The following GABRB2 variants were observed in gnomAD, a reference collection of about 807,000 sequenced individuals.
GABRB2 encodes gamma-aminobutyric acid receptor subunit beta-2.
A neutral mutation model predicts 54.7 loss-of-function variants in GABRB2; 16 were observed. The observed-to-expected ratio is 0.29, with a 90% CI of 0.20 to 0.44. The LOEUF (loss-of-function observed/expected upper bound fraction) is 0.44. Among genes scored for constraint, GABRB2 ranks in the 20% least tolerant of loss-of-function variants. The probability of loss-of-function intolerance (pLI) is 1.00; values close to 1 mark genes in which losing one functional copy is unlikely to be tolerated. For synonymous variants in GABRB2, 244 were observed against 233.8 expected, an observed-to-expected ratio of 1.04 and a Z score of -0.40; for missense variants, 355 against 644.0, an observed-to-expected ratio of 0.55 and a Z score of 4.86.
chr5:161,308,041 T>C (rs1179676119), intron 9 of GABRB2, among the ~76,000 whole-genome samples: 3 of 151,622 alleles, frequency 2.0e-5, no homozygotes, highest in Non-Finnish European at 4.4e-5. Flanking sequence ...TTTTGTATTT[T>C]TAGTAGAGAT....
intron 5 of GABRB2, among the ~76,000 whole-genome samples, chr5:161,401,384 C>A (rs1402974743): frequency 1.3e-5 from 2 of 152,170 alleles, no homozygotes; most frequent in East Asian, 3.9e-4. Context: ...ATCATACAAA[C>A]AGGAATGCGT....
At chr5:161,511,742 A>G (rs1759774860) in intron 3 of GABRB2, among the ~76,000 whole-genome samples, 1 of 151,912 alleles carries the variant, frequency 6.6e-6, no homozygotes. Flanking sequence ...CCTCTCTCCT[A>G]GGCTCATGGA....
chr5:161,517,752 T>C (rs1255827434), intron 3 of GABRB2, among the ~76,000 whole-genome samples: 2 of 152,126 alleles, frequency 1.3e-5, no homozygotes, highest in Non-Finnish European at 2.9e-5. Flanking sequence ...CAACACATCT[T>C]ATCTAAATTC....
chr5:161,493,858 T>C (rs992581207), intron 3 of GABRB2, among the ~76,000 whole-genome samples: 16 of 151,892 alleles, frequency 1.1e-4, no homozygotes, highest in Admixed American at 9.9e-4. Flanking sequence ...GCCTTTAATC[T>C]ATTCATATAG....
chr5:161,506,815 G>T (rs1759620353), intron 3 of GABRB2, among the ~76,000 whole-genome samples: 2 of 151,986 alleles, frequency 1.3e-5, no homozygotes, highest in South Asian at 2.1e-4. Context: ...TTTTGAAAAA[G>T]ACACCAAAGC....
chr5:161,362,030 G>A (rs1754827276), intron 5 of GABRB2, among the ~76,000 whole-genome samples: 1 of 152,074 alleles, frequency 6.6e-6, no homozygotes, highest in Non-Finnish European at 1.5e-5. Flanking sequence ...TATTAAATAG[G>A]GAATCCTTTC....
At chr5:161,547,263 G>A (rs1326823469), upstream of GABRB2, among the ~76,000 whole-genome samples, 153 of 127,776 alleles carry the variant, frequency 1.2e-3, 1 homozygote, top group African/African-American at 4.4e-3. Flanking sequence ...AGTCGAAGCG[G>A]GAGGGAGGGA....
At chr5:161,438,380 A>G (rs1757369562) in intron 4 of GABRB2, among the ~76,000 whole-genome samples, 1 of 152,182 alleles carries the variant, frequency 6.6e-6, no homozygotes. Flanking sequence ...TTGGATCACA[A>G]CATGCAAATC....
At chr5:161,297,320 A>T (rs949757796) in intron 9 of GABRB2, among the ~76,000 whole-genome samples, 3 of 152,168 alleles carry the variant, frequency 2.0e-5, no homozygotes, top group African/African-American at 7.2e-5. Context: ...TCTGGGACAC[A>T]TGTGCAGAAC....
intron 3 of GABRB2, among the ~76,000 whole-genome samples, chr5:161,467,762 T>C (rs1031820839): frequency 1.3e-5 from 2 of 152,058 alleles, no homozygotes; most frequent in African/African-American, 4.8e-5. Flanking sequence ...ACCTGAATAA[T>C]ATCAAAATGA....
At chr5:161,326,789 C>G (rs950065023) in intron 8 of GABRB2, among the ~76,000 whole-genome samples, 1 of 152,008 alleles carries the variant, frequency 6.6e-6, no homozygotes, top group African/African-American at 2.4e-5. Context: ...ATAAAGAACA[C>G]CCTTAAATGG....
Position 161,459,748 on chromosome 5 carries a change from C to T in GABRB2, c.334G>A (p.Ala112Thr), listed in dbSNP as rs778204862. ...GTATCAGGCACCCAGAGCTGGTCTG[C>T]CACTCTGTTGTCCAGAGTCAAGTTT... ...PLNLTLDNRVADQLWVPDTYF... is the reference protein window; with the variant it reads ...PLNLTLDNRVTDQLWVPDTYF... The change falls in exon 4 of 10, where the codon GCA becomes ACA. Residue 112 changes from alanine to threonine, a missense_variant. Ala to Thr is a moderately conservative substitution (Grantham distance 58). Transcript: ENST00000393959. The T allele has an allele frequency of 6.2e-7, 1 of 1,613,662 alleles. No individual in the cohort carries two copies.
chr5:161,517,230 C>G (rs1481359897), intron 3 of GABRB2, among the ~76,000 whole-genome samples: 2 of 152,118 alleles, frequency 1.3e-5, no homozygotes. Flanking sequence ...TTACATCATT[C>G]TGGGAGAAGT....
chr5:161,312,780 G>T (rs1172308160), intron 9 of GABRB2, among the ~76,000 whole-genome samples: 1 of 152,162 alleles, frequency 6.6e-6, no homozygotes, highest in African/African-American at 2.4e-5. Context: ...CAAATCCAGG[G>T]ATGAGGGACT....
At chr5:161,458,374 T>C (rs1392901963) in intron 4 of GABRB2, among the ~76,000 whole-genome samples, 5 of 152,184 alleles carry the variant, frequency 3.3e-5, no homozygotes, top group African/African-American at 1.2e-4. Context: ...CTCATTTGTC[T>C]ACCACCAGTG....
At chr5:161,312,818 G>A (rs963484072) in intron 9 of GABRB2, among the ~76,000 whole-genome samples, 19 of 152,058 alleles carry the variant, frequency 1.2e-4, no homozygotes, top group Admixed American at 1.2e-3. Flanking sequence ...TGATTCTGAT[G>A]TTACAGTCTG....
rs1219766196 is a variant in GABRB2, at chr5:161,459,828, A to G, written c.254T>C (p.Met85Thr). Residue 85 changes from methionine to threonine, a missense_variant, in exon 4 of 10, where the codon ATG becomes ACG. Met to Thr is a moderately conservative substitution (Grantham distance 81). Coordinates refer to ENST00000393959, the MANE Select transcript of GABRB2 (RefSeq NM_001371727.1). ...ATCTCTCCAGGCTTGTTGAAAGTAC[A>G]TTGTCAAGGTATAATCCTGTAAATG... is the stretch of plus-strand genomic sequence containing the variant. The part of the protein sequence containing the change: ...SEVNMDYTLT[M>T]YFQQAWRDKR... 1 of 1,610,582 alleles carries G rather than the reference A, an allele frequency of 6.2e-7. No homozygotes were observed. Among genetic ancestry groups the G allele is most frequent in the Non-Finnish European group, 8.5e-7 (1 of 1,176,796 alleles).
At chr5:161,539,798 G>C (rs1056701973) in intron 3 of GABRB2, among the ~76,000 whole-genome samples, 2 of 151,956 alleles carry the variant, frequency 1.3e-5, no homozygotes, top group African/African-American at 2.4e-5. Context: ...CAATTTTTTT[G>C]GTTTCTTAGT....
intron 3 of GABRB2, among the ~76,000 whole-genome samples, chr5:161,474,071 C>CA (rs1292344289): frequency 1.3e-5 from 2 of 151,894 alleles, no homozygotes; most frequent in Non-Finnish European, 2.9e-5. Flanking sequence ...AAGAAAGTCC[C>CA]AAGCCCAGGA....
Sources: gnomAD v4.1 joint callset for allele counts (sites outside exome capture counted in the v4.1 genomes callset) on GRCh38, gnomAD v4.1.1 for gene constraint, MANE v1.5 for transcripts, NCBI Gene and HGNC (gene_info 2026-07-23, HGNC 2026-07-21) for gene names.